The following SCN8A variants were observed in gnomAD, a reference collection of about 807,000 sequenced individuals.
The protein encoded by SCN8A is sodium voltage-gated channel alpha subunit 8, also known as sodium channel protein type 8 subunit alpha.
SCN8A carries 30 observed loss-of-function variants against 184.1 expected under a neutral mutation model. The observed-to-expected ratio is 0.16, with a 90% CI of 0.12 to 0.22. The LOEUF (loss-of-function observed/expected upper bound fraction) is 0.22, where lower values mean the gene tolerates loss of function less well. Ranked by LOEUF, SCN8A falls within the 10% of genes least tolerant of loss-of-function variation. The pLI, the probability that SCN8A is intolerant of heterozygous loss-of-function variation, is 1.00. For synonymous variants in SCN8A, 852 were observed against 907.0 expected, an observed-to-expected ratio of 0.94 and a Z score of 1.09; for missense variants, 1,057 against 2,498.9, an observed-to-expected ratio of 0.42 and a Z score of 12.30.
At chr12:51,671,718 T>C (rs1941134699) in intron 2 of SCN8A, among the ~76,000 whole-genome samples, 1 of 152,240 alleles carries the variant, frequency 6.6e-6, no homozygotes, top group Admixed American at 6.5e-5. Context: ...AGAGGGATGC[T>C]TCTCTTTTGA....
At chr12:51,729,281 C>T (rs1942204110) in intron 12 of SCN8A, among the ~76,000 whole-genome samples, 1 of 152,114 alleles carries the variant, frequency 6.6e-6, no homozygotes, top group Admixed American at 6.5e-5. Flanking sequence ...GGATCATTCC[C>T]TAAACCCATC....
intron 14 of SCN8A, among the ~76,000 whole-genome samples, chr12:51,752,475 A>G (rs1462279904): frequency 6.6e-6 from 1 of 152,124 alleles, no homozygotes; most frequent in Non-Finnish European, 1.5e-5. Context: ...CTATTACTAT[A>G]CTATTAGAGC....
chr12:51,720,837 G>A (rs776786771), intron 11 of SCN8A, among the ~76,000 whole-genome samples: 25 of 151,640 alleles, frequency 1.6e-4, no homozygotes, highest in Non-Finnish European at 3.2e-4. Context: ...AGGCCGAGGC[G>A]GGTGGATCAC....
intron 12 of SCN8A, among the ~76,000 whole-genome samples, chr12:51,743,375 C>T (rs929821816): frequency 1.4e-4 from 21 of 152,152 alleles, no homozygotes; most frequent in African/African-American, 4.3e-4. Context: ...TCTAGGTATT[C>T]GAAGGAATTT....
chr12:51,609,519 T>C (rs997921211), intron 1 of SCN8A, among the ~76,000 whole-genome samples: 8 of 152,182 alleles, frequency 5.3e-5, no homozygotes, highest in African/African-American at 1.9e-4. Context: ...GGACAAGGCC[T>C]TTTACCATTT....
chr12:51,802,525 G>C (rs1263577177), intron 26 of SCN8A, among the ~76,000 whole-genome samples: 2 of 152,208 alleles, frequency 1.3e-5, no homozygotes, highest in Admixed American at 6.5e-5. Context: ...CACTTGCGTG[G>C]TAAGAACTTG....
At chr12:51,747,716 G>A (rs1025863941) in intron 13 of SCN8A, among the ~76,000 whole-genome samples, 3 of 152,054 alleles carry the variant, frequency 2.0e-5, no homozygotes, top group African/African-American at 4.8e-5. Context: ...GGCTCCTTTC[G>A]GAGGCCTTAG....
At chr12:51,690,535 T>A (rs1941489524) in intron 6 of SCN8A, among the ~76,000 whole-genome samples, 1 of 151,960 alleles carries the variant, frequency 6.6e-6, no homozygotes, top group African/African-American at 2.4e-5. Flanking sequence ...AAAAAAAAAT[T>A]TTTTTGTAGA....
At chr12:51,664,518 C>T (rs994583495) in intron 2 of SCN8A, among the ~76,000 whole-genome samples, 13 of 151,934 alleles carry the variant, frequency 8.6e-5, no homozygotes, top group Non-Finnish European at 1.3e-4. Flanking sequence ...TTATTATTTA[C>T]ATTTTTATTT....
intron 12 of SCN8A, 43 bp from the exon 13 acceptor site, chr12:51,745,860 G>T (rs774533881): frequency 6.7e-7 from 1 of 1,495,550 alleles, no homozygotes; most frequent in East Asian, 2.3e-5. Context: ...TACCTTTATA[G>T]ACTTAACTCA....
intron 1 of SCN8A, among the ~76,000 whole-genome samples, chr12:51,624,854 G>A (rs904113453): frequency 9.2e-5 from 14 of 151,776 alleles, no homozygotes; most frequent in Non-Finnish European, 1.9e-4. Context: ...TTCCAGCACC[G>A]TTTATTAAAT....
intron 20 of SCN8A, among the ~76,000 whole-genome samples, chr12:51,775,185 G>A (rs1396730589): frequency 6.6e-6 from 1 of 152,228 alleles, no homozygotes; most frequent in African/African-American, 2.4e-5. Flanking sequence ...ACCAGGGCCT[G>A]TGGAAAATTT....
intron 11 of SCN8A, among the ~76,000 whole-genome samples, chr12:51,721,215 C>T (rs1290166563): frequency 6.7e-6 from 1 of 149,224 alleles, no homozygotes; most frequent in African/African-American, 2.5e-5. Flanking sequence ...TTAAAGACAC[C>T]TCCTCTGAGC....
intron 14 of SCN8A, among the ~76,000 whole-genome samples, chr12:51,757,159 A>T (rs1345154111): frequency 6.6e-6 from 1 of 152,190 alleles, no homozygotes; most frequent in African/African-American, 2.4e-5. Context: ...TGCAGTTTTA[A>T]AACTGGGACA....
chr12:51,592,873 C>G (rs1939260099), intron 1 of SCN8A, among the ~76,000 whole-genome samples: 2 of 152,138 alleles, frequency 1.3e-5, no homozygotes, highest in Admixed American at 1.3e-4. Context: ...TTTTCACTGT[C>G]TCAAAATCCC....
chr12:51,618,775 A>C (rs1341178758), intron 1 of SCN8A, among the ~76,000 whole-genome samples: 1 of 152,164 alleles, frequency 6.6e-6, no homozygotes, highest in Non-Finnish European at 1.5e-5. Context: ...GCAGGTTCTC[A>C]ACCTTGAGAG....
chr12:51,601,122 T>A (rs1939454828), intron 1 of SCN8A, among the ~76,000 whole-genome samples: 1 of 152,216 alleles, frequency 6.6e-6, no homozygotes, highest in Non-Finnish European at 1.5e-5. Context: ...TGTTATACAA[T>A]AGTCTCTTGG....
chr12:51,759,155 G>T (rs767607428), intron 14 of SCN8A, among the ~76,000 whole-genome samples: 1 of 151,952 alleles, frequency 6.6e-6, no homozygotes, highest in African/African-American at 2.4e-5. Flanking sequence ...GGCCTTGCAG[G>T]TCAAGTAAGA....
intron 25 of SCN8A, among the ~76,000 whole-genome samples, chr12:51,792,653 G>T (rs763753956): frequency 6.6e-6 from 1 of 152,086 alleles, no homozygotes; most frequent in Non-Finnish European, 1.5e-5. Flanking sequence ...GTGTCTCCCC[G>T]TAAGCCAGGT....
Sources: gnomAD v4.1 joint callset for allele counts (sites outside exome capture counted in the v4.1 genomes callset) on GRCh38, gnomAD v4.1.1 for gene constraint, MANE v1.5 for transcripts, NCBI Gene and HGNC (gene_info 2026-07-23, HGNC 2026-07-21) for gene names.